Variants in TGFBR2 observed in about 807,000 individuals in gnomAD.
TGFBR2 encodes transforming growth factor beta receptor 2, also known as TGF-beta receptor type-2.
A neutral mutation model predicts 49.0 loss-of-function variants in TGFBR2; 18 were observed. The ratio of observed to expected loss-of-function variants is 0.37; its 90% CI spans 0.25 to 0.54. The LOEUF is 0.54. Ranked by LOEUF, TGFBR2 falls within the 20% of genes least tolerant of loss-of-function variation. The probability of loss-of-function intolerance (pLI) is 0.85; values close to 1 mark genes in which losing one functional copy is unlikely to be tolerated. For synonymous variants in TGFBR2, 282 were observed against 275.9 expected, an observed-to-expected ratio of 1.02 and a Z score of -0.22; for missense variants, 525 against 722.6, an observed-to-expected ratio of 0.73 and a Z score of 3.13.
intron 5 of TGFBR2, among the ~76,000 whole-genome samples, chr3:30,682,310 G>A (rs748061536): frequency 1.6e-4 from 25 of 152,218 alleles, no homozygotes; most frequent in Admixed American, 1.2e-3. Flanking sequence ...TTTTAAAGGA[G>A]TCAGGGCAAA....
chr3:30,655,950 C>T (rs1043673061), intron 3 of TGFBR2, among the ~76,000 whole-genome samples: 1 of 152,142 alleles, frequency 6.6e-6, no homozygotes, highest in African/African-American at 2.4e-5. Flanking sequence ...TAGAACTGCA[C>T]AACCTTGGGT....
chr3:30,654,021 C>G (rs1278110049), intron 3 of TGFBR2, among the ~76,000 whole-genome samples: 1 of 152,062 alleles, frequency 6.6e-6, no homozygotes, highest in Non-Finnish European at 1.5e-5. Context: ...GCACTAAAAC[C>G]TGTGAAGGTT....
intron 1 of TGFBR2, among the ~76,000 whole-genome samples, chr3:30,639,801 A>G (rs754198458): frequency 4.6e-5 from 7 of 152,364 alleles, no homozygotes; most frequent in East Asian, 1.9e-4. Flanking sequence ...CATGAATTCA[A>G]TGATACACGA....
Position 30,672,788 on chromosome 3 carries a change from T to G in TGFBR2, c.1254+351T>G, listed in dbSNP as rs1446023765. 6.6e-6 allele frequency among the ~76,000 whole-genome samples: 1 copy of G among 152,244 alleles called. No homozygotes were observed. Among genetic ancestry groups the G allele is most frequent in the Non-Finnish European group, 1.5e-5 (1 of 68,048 alleles). The stretch of plus-strand genomic sequence containing the variant: ...CTCTCTTATGGTTGTACTCAGTCCT[T>G]TCTGCTCTATACTAGCTGTAGTTGT... On this transcript the variant is annotated intron_variant, in intron 4 of 6. Coordinates refer to ENST00000295754, the MANE Select transcript of TGFBR2 (RefSeq NM_003242.6). The surrounding 1 kb of genome is among the most constrained non-coding windows in gnomAD (Gnocchi z 4.5).
At chr3:30,638,517 T>C (rs1388067908) in intron 1 of TGFBR2, among the ~76,000 whole-genome samples, 1 of 152,216 alleles carries the variant, frequency 6.6e-6, no homozygotes, top group African/African-American at 2.4e-5. Context: ...GAAAGCCCGA[T>C]ACCTCTCTTC....
intron 5 of TGFBR2, among the ~76,000 whole-genome samples, chr3:30,678,546 T>TAAAAAAA (rs1553630848): frequency 9.9e-6 from 1 of 100,870 alleles, no homozygotes. Context: ...AGACTGCGTC[T>TAAAAAAA]AAAAAAAAAA....
intron 3 of TGFBR2, among the ~76,000 whole-genome samples, 173 bp downstream of exon 3, chr3:30,650,633 T>G (rs1343260218): frequency 6.6e-6 from 1 of 152,164 alleles, no homozygotes; most frequent in Non-Finnish European, 1.5e-5. Context: ...TTTGTTCTGG[T>G]TCTCATCAAA....
chr3:30,650,489 A>G (rs747794823), intron 3 of TGFBR2, 29 bp downstream of exon 3: 2 of 1,612,588 alleles, frequency 1.2e-6, no homozygotes, highest in Non-Finnish European at 1.7e-6. Flanking sequence ...AGGGTGTGGG[A>G]CCTGAGATCT....
Position 30,672,336 on chromosome 3 carries a change from A to G in TGFBR2, c.1153A>G (p.Ile385Val), listed in dbSNP as rs137908708. The G allele has an allele frequency of 2.0e-5, 32 of 1,613,476 alleles. No individual in the cohort carries two copies. Among genetic ancestry groups the G allele is most frequent in the South Asian group, 7.7e-5 (7 of 91,042 alleles). ...GCACAGGGACCTCAAGAGCTCCAAT[A>G]TCCTCGTGAAGAACGACCTAACCTG... ...IVHRDLKSSN[I>V]LVKNDLTCCL... Residue 385 changes from isoleucine (I) to valine (V), a missense_variant, in exon 4 of 7, where the codon ATC becomes GTC. Ile to Val is a conservative substitution (Grantham distance 29). Transcript: ENST00000295754. The surrounding 1 kb of genome is among the most constrained non-coding windows in gnomAD (Gnocchi z 4.5).
At chr3:30,617,082 GA>G (rs71093915) in intron 1 of TGFBR2, among the ~76,000 whole-genome samples, 62,325 of 147,018 alleles carry the variant, frequency 0.42, 13,327 homozygotes, top group East Asian at 0.74. Context: ...TATTTTTTGG[GA>G]AAAAAAAAAA....
At chr3:30,668,475 C>G (rs369789276) in intron 3 of TGFBR2, among the ~76,000 whole-genome samples, 14 of 152,256 alleles carry the variant, frequency 9.2e-5, no homozygotes, top group Non-Finnish European at 1.5e-4. Context: ...GTGGAAATGC[C>G]GACTGCTGGA....
At chr3:30,632,367 T>C (rs531863550) in intron 1 of TGFBR2, among the ~76,000 whole-genome samples, 1 of 152,356 alleles carries the variant, frequency 6.6e-6, no homozygotes, top group Admixed American at 6.5e-5. Flanking sequence ...AGTTACTGCC[T>C]GTTTGCCAGA....
intron 1 of TGFBR2, among the ~76,000 whole-genome samples, chr3:30,627,453 CAT>C (rs1206697901): frequency 1.9e-4 from 29 of 151,956 alleles, no homozygotes; most frequent in Non-Finnish European, 1.5e-5. Flanking sequence ...AATTGGTACA[CAT>C]GTGTAAACCA....
intron 3 of TGFBR2, among the ~76,000 whole-genome samples, chr3:30,650,677 T>C (rs1698866154): frequency 6.6e-6 from 1 of 152,216 alleles, no homozygotes; most frequent in Non-Finnish European, 1.5e-5. Flanking sequence ...ATTATTTGTC[T>C]TTGACAAATA....
chr3:30,650,109 C>A (rs1698850760), intron 2 of TGFBR2, among the ~76,000 whole-genome samples, 161 bp from the exon 3 acceptor site: 1 of 152,122 alleles, frequency 6.6e-6, no homozygotes, highest in South Asian at 2.1e-4. Context: ...TATAGGACAG[C>A]CTGCGAATGC....
intron 1 of TGFBR2, among the ~76,000 whole-genome samples, chr3:30,628,907 A>G (rs1698386873): frequency 6.6e-6 from 1 of 152,154 alleles, no homozygotes; most frequent in Non-Finnish European, 1.5e-5. Flanking sequence ...CAGCAGTGAC[A>G]CTACAGACAG....
At chr3:30,681,661 G>A (rs1006253653) in intron 5 of TGFBR2, among the ~76,000 whole-genome samples, 1 of 152,154 alleles carries the variant, frequency 6.6e-6, no homozygotes, top group Non-Finnish European at 1.5e-5. Flanking sequence ...GAAATAAAGA[G>A]GTTTTTTAGA....
intron 2 of TGFBR2, 152 bp from the exon 3 acceptor site, chr3:30,650,118 G>A: frequency 1.3e-6 from 1 of 759,726 alleles, no homozygotes. Context: ...GCCTGCGAAT[G>A]CTGGAGAACA....
intron 5 of TGFBR2, among the ~76,000 whole-genome samples, chr3:30,674,847 T>C (rs1699407281): frequency 6.6e-6 from 1 of 152,190 alleles, no homozygotes; most frequent in Non-Finnish European, 1.5e-5. Flanking sequence ...GCTTGCTCTT[T>C]TTATCCCCAA....
Sources: allele counts gnomAD v4.1 joint callset (sites outside exome capture counted in the v4.1 genomes callset), GRCh38; gene constraint gnomAD v4.1.1; non-coding constraint Gnocchi (gnomAD v3.1); transcripts MANE v1.5; gene names NCBI Gene and HGNC (gene_info 2026-07-23, HGNC 2026-07-21).